The following TBC1D8 variants were observed in gnomAD, a reference collection of about 807,000 sequenced individuals.
TBC1D8 encodes TBC1 domain family member 8.
Under a neutral mutation model 118.8 loss-of-function variants are expected in TBC1D8, and 65 were observed. The observed-to-expected ratio is 0.55, with a 90% CI of 0.45 to 0.67. TBC1D8 has a LOEUF of 0.67. TBC1D8 is among the 30% of genes least tolerant of loss of function. TBC1D8 has a pLI of 0.00. For missense variants in TBC1D8, 1,376 were observed against 1,471.2 expected (o/e 0.94, Z 1.06); for synonymous variants, 566 against 595.8 (o/e 0.95, Z 0.73).
chr2:101,048,119 AG>A (rs955885459), intron 5 of TBC1D8, among the ~76,000 whole-genome samples: 23 of 152,192 alleles, frequency 1.5e-4, no homozygotes, highest in Non-Finnish European at 3.4e-4. Context: ...ACACAGGGAG[AG>A]GGGGAGAAGC....
chr2:101,072,274 G>C (rs1392262372), intron 2 of TBC1D8, among the ~76,000 whole-genome samples: 1 of 152,162 alleles, frequency 6.6e-6, no homozygotes, highest in African/African-American at 2.4e-5. Context: ...CACTGCACCA[G>C]CATCTGCTCC....
chr2:101,019,051 T>A, intron 17 of TBC1D8: 2 of 1,609,560 alleles, frequency 1.2e-6, no homozygotes, highest in Non-Finnish European at 1.7e-6. Context: ...GGAGCCCTCC[T>A]GGAAGTGGAT....
intron 1 of TBC1D8, among the ~76,000 whole-genome samples, chr2:101,094,134 C>A (rs1360576672): frequency 6.6e-6 from 1 of 152,120 alleles, no homozygotes; most frequent in East Asian, 1.9e-4. Flanking sequence ...ACTTAATAAC[C>A]CTCAGAAAAG....
intron 2 of TBC1D8, among the ~76,000 whole-genome samples, chr2:101,073,286 A>ATTTTT (rs1558676266): frequency 2.2e-4 from 31 of 142,846 alleles, no homozygotes; most frequent in African/African-American, 8.0e-4. Flanking sequence ...ATTTTATTTT[A>ATTTTT]TTTTATTTTA....
intron 19 of TBC1D8, among the ~76,000 whole-genome samples, chr2:101,010,251 C>T (rs926644021): frequency 1.2e-4 from 18 of 152,168 alleles, no homozygotes; most frequent in Admixed American, 6.5e-5. Flanking sequence ...AGAGACTCCT[C>T]TATCAGTACT....
At chr2:101,124,539 G>A (rs897671651) in intron 1 of TBC1D8, among the ~76,000 whole-genome samples, 6 of 152,166 alleles carry the variant, frequency 3.9e-5, no homozygotes, top group Admixed American at 2.0e-4. Context: ...CACTCCGCTG[G>A]CTGAGGAGAT....
intron 1 of TBC1D8, among the ~76,000 whole-genome samples, chr2:101,140,942 A>G (rs1271282894): frequency 1.3e-5 from 2 of 151,944 alleles, no homozygotes; most frequent in African/African-American, 4.8e-5. Flanking sequence ...TTGTATTTTT[A>G]GTAAAGACGG....
chr2:101,114,372 G>A (rs939080080), intron 1 of TBC1D8, among the ~76,000 whole-genome samples: 1 of 152,092 alleles, frequency 6.6e-6, no homozygotes, highest in Non-Finnish European at 1.5e-5. Flanking sequence ...GCAACACCTG[G>A]CATAAATACC....
chr2:101,062,970 C>T (rs983181479), intron 2 of TBC1D8, among the ~76,000 whole-genome samples: 11 of 152,142 alleles, frequency 7.2e-5, no homozygotes, highest in African/African-American at 2.7e-4. Flanking sequence ...GTATCATTTA[C>T]ATCATCCTCA....
At chr2:101,079,262 C>T (rs895667191) in intron 2 of TBC1D8, among the ~76,000 whole-genome samples, 2 of 152,196 alleles carry the variant, frequency 1.3e-5, no homozygotes, top group Admixed American at 6.5e-5. Flanking sequence ...CCTCTCCAGA[C>T]GGTTTCCTTG....
intron 1 of TBC1D8, among the ~76,000 whole-genome samples, chr2:101,127,167 T>G (rs1678391200): frequency 6.6e-6 from 1 of 151,982 alleles, no homozygotes; most frequent in Admixed American, 6.6e-5. Flanking sequence ...AAACCCCATC[T>G]CTATTAAAAA....
chr2:101,078,753 C>CAAAAAAAAAAAAAAAAAAAAAGAAA (rs1675034638), intron 2 of TBC1D8, among the ~76,000 whole-genome samples: 1 of 108,118 alleles, frequency 9.2e-6, no homozygotes, highest in African/African-American at 3.7e-5. Context: ...CCTTTCTTAG[C>CAAAAAAAAAAAAAAAAAAAAAGAAA]AAAAAAAAAA....
intron 2 of TBC1D8, among the ~76,000 whole-genome samples, chr2:101,066,986 A>G (rs1480090943): frequency 6.6e-6 from 1 of 150,418 alleles, no homozygotes; most frequent in Non-Finnish European, 1.5e-5. Flanking sequence ...TTATACTGAC[A>G]CTATACTGTA....
In TBC1D8 at chr2:101,040,402, A is replaced by AGAG. The variant is rs1441666306; in HGVS notation, c.873-20_873-18dup. Reference sequence around the variant, plus strand: ...TCCAGGTCCCTGGGGAAGGACAGGGAGAGAAGAAGAAGAGATAGGAAAGGT... The same window carrying AGAG: ...TCCAGGTCCCTGGGGAAGGACAGGGAGAGGAGAAGAAGAAGAGATAGGAAAGGT... On this transcript the variant is annotated splice_polypyrimidine_tract_variant and intron_variant, in intron 5 of 19. Transcript: ENST00000409318. 1.3e-6 allele frequency: 2 copies of AGAG among 1,575,290 alleles called. No individual in the cohort carries two copies. Among genetic ancestry groups the AGAG allele is most frequent in the African/African-American group, 2.7e-5 (2 of 74,026 alleles).
At chr2:101,029,437 C>A in intron 12 of TBC1D8, 54 bp downstream of exon 12, 1 of 1,570,142 alleles carries the variant, frequency 6.4e-7, no homozygotes, top group East Asian at 2.3e-5. Context: ...CTGCTGGGCA[C>A]GTGCTGCTGC....
chr2:101,134,956 A>G (rs924620766), intron 1 of TBC1D8, among the ~76,000 whole-genome samples: 1 of 152,158 alleles, frequency 6.6e-6, no homozygotes, highest in African/African-American at 2.4e-5. Context: ...GGTGGATCAC[A>G]AGGTCAGGAG....
chr2:101,026,787 G>A (rs1414768066), intron 15 of TBC1D8, among the ~76,000 whole-genome samples: 2 of 152,184 alleles, frequency 1.3e-5, no homozygotes, highest in Non-Finnish European at 2.9e-5. Flanking sequence ...TTCTTTGCAG[G>A]ATGATTCCAG....
chr2:101,084,170 C>T (rs1675444694), intron 2 of TBC1D8, among the ~76,000 whole-genome samples: 1 of 152,124 alleles, frequency 6.6e-6, no homozygotes, highest in African/African-American at 2.4e-5. Flanking sequence ...GCTCAGGACT[C>T]CTGCACTGCT....
At chr2:101,041,057 A>C (rs748790768) in intron 5 of TBC1D8, among the ~76,000 whole-genome samples, 21 of 152,236 alleles carry the variant, frequency 1.4e-4, no homozygotes, top group Admixed American at 9.8e-4. Flanking sequence ...GGTGAGGAGG[A>C]TGTGGGGAAA....
Sources: gnomAD v4.1 joint callset for allele counts (sites outside exome capture counted in the v4.1 genomes callset) on GRCh38, gnomAD v4.1.1 for gene constraint, MANE v1.5 for transcripts, NCBI Gene and HGNC (gene_info 2026-07-23, HGNC 2026-07-21) for gene names.